Variants in PPP4R1 observed in about 807,000 individuals in gnomAD.
PPP4R1 encodes the protein protein phosphatase 4 regulatory subunit 1, also known as serine/threonine-protein phosphatase 4 regulatory subunit 1.
PPP4R1 carries 42 observed loss-of-function variants against 111.2 expected under a neutral mutation model. The observed-to-expected ratio is 0.38, with a 90% CI of 0.29 to 0.49. The LOEUF is 0.49. PPP4R1 is among the 20% of genes least tolerant of loss of function. The pLI, the probability that PPP4R1 is intolerant of heterozygous loss-of-function variation, is 0.97. For missense variants in PPP4R1, 1,012 were observed against 1,161.6 expected, an observed-to-expected ratio of 0.87 and a Z score of 1.87; for synonymous variants, 409 against 405.5, an observed-to-expected ratio of 1.01 and a Z score of -0.10.
chr18:9,561,312 C>T (rs955009686), intron 13 of PPP4R1, among the ~76,000 whole-genome samples: 1 of 151,732 alleles, frequency 6.6e-6, no homozygotes, highest in Non-Finnish European at 1.5e-5. Flanking sequence ...GAATGCAGCA[C>T]TGCTTATAGC....
chr18:9,559,420 T>A lies in PPP4R1; in HGVS notation c.2027A>T (p.Gln676Leu). The A allele has an allele frequency of 6.2e-7, 1 of 1,607,796 alleles. No homozygotes were observed. Among genetic ancestry groups the A allele is most frequent in the Non-Finnish European group, 8.5e-7 (1 of 1,176,616 alleles). The change falls in exon 14 of 20, where the codon CAG becomes CTG. Residue 676 changes from glutamine to leucine, a missense_variant and splice_region_variant. By Grantham distance (113) the Gln-to-Leu change is moderately radical. This residue lies in a region of PPP4R1 where 305 missense variants were observed against 419.5 expected (regional missense o/e 0.73). Coordinates refer to ENST00000400556, the MANE Select transcript of PPP4R1 (RefSeq NM_001042388.3). ...ETYETLASDM[Q>L]WKVRRTLAFS... ...TAATTCTTTAACTGCTTTACTCACCTGCATGTCTGAGGCCAGAGTCTCATA... is the reference window on the plus strand; with the variant it reads ...TAATTCTTTAACTGCTTTACTCACCAGCATGTCTGAGGCCAGAGTCTCATA...
chr18:9,564,242 A>C (rs1003415166), intron 11 of PPP4R1, among the ~76,000 whole-genome samples: 4 of 152,192 alleles, frequency 2.6e-5, no homozygotes, highest in Non-Finnish European at 1.5e-5. Context: ...CTGCTCCCCA[A>C]ATAAATCAGA....
At chr18:9,562,161 G>T in intron 12 of PPP4R1, 86 bp from the exon 13 acceptor site, 2 of 1,006,634 alleles carry the variant, frequency 2.0e-6, no homozygotes, top group South Asian at 2.9e-5. Context: ...TACCTTTCAA[G>T]ACTGCCAAAA....
chr18:9,606,304 T>C (rs949316037), intron 2 of PPP4R1, among the ~76,000 whole-genome samples: 3 of 152,192 alleles, frequency 2.0e-5, no homozygotes, highest in Non-Finnish European at 4.4e-5. Context: ...CCACCTTCTG[T>C]TTTCGTAAAT....
chr18:9,581,183 T>C (rs966833035), intron 9 of PPP4R1, among the ~76,000 whole-genome samples: 1 of 143,004 alleles, frequency 7.0e-6, no homozygotes, highest in Non-Finnish European at 1.5e-5. Context: ...AAAAAAAAAA[T>C]CCATACATTA....
chr18:9,563,083 T>A (rs766377515), intron 12 of PPP4R1: 145 of 1,078,622 alleles, frequency 1.3e-4, no homozygotes, highest in Non-Finnish European at 1.6e-4. Context: ...TTATTCTTGA[T>A]AAAGGGCTTT....
chr18:9,583,110 AC>A lies in PPP4R1; in HGVS notation c.918+6del. On this transcript the variant is annotated splice_donor_region_variant and intron_variant, in intron 9 of 19. Coordinates refer to ENST00000400556, the MANE Select transcript of PPP4R1 (RefSeq NM_001042388.3). ...TTATTTTACAAAAGTGATAATCAAAACCCTACCCAACGTGAAGGATCACTGA... is the reference window on the plus strand; with the variant it reads ...TTATTTTACAAAAGTGATAATCAAAACCTACCCAACGTGAAGGATCACTGA... 1 of 1,601,838 alleles carries A rather than the reference AC, an allele frequency of 6.2e-7. No individual in the cohort carries two copies. The highest frequency in any genetic ancestry group is 8.5e-7 in the Non-Finnish European group (1 of 1,171,994).
In PPP4R1 at chr18:9,614,139, C is replaced by T; in HGVS notation, c.52+87G>A. ...CTCGCCCACCGTCCCCTCAGCCAGCCAGGGCCCGGCCCAGGCCTCGCCGCC... is the reference window on the plus strand; with the variant it reads ...CTCGCCCACCGTCCCCTCAGCCAGCTAGGGCCCGGCCCAGGCCTCGCCGCC... On this transcript the variant is annotated intron_variant, in intron 2 of 19. Coordinates refer to ENST00000400556, the MANE Select transcript of PPP4R1 (RefSeq NM_001042388.3). This position sits in a 1 kb window ranked among gnomAD's most constrained non-coding sequence, Gnocchi z 4.1. The T allele has an allele frequency of 8.7e-7, 1 of 1,147,814 alleles. No homozygotes were observed. Among genetic ancestry groups the T allele is most frequent in the East Asian group, 3.8e-5 (1 of 26,280 alleles). 71.1% of individuals were successfully genotyped at this position (1,147,814 alleles called of 1,614,324 possible).
Position 9,610,695 on chromosome 18 carries a change from G to A in PPP4R1, c.52+3531C>T, listed in dbSNP as rs569207455. On this transcript the variant is annotated intron_variant, in intron 2 of 19. Transcript: ENST00000400556. Reference sequence around the variant, plus strand: ...AGGATGGTCTCGATCTCCTGACCTCGTGATCCGCCCACCTCGGCCTCCCAA... The same window carrying A: ...AGGATGGTCTCGATCTCCTGACCTCATGATCCGCCCACCTCGGCCTCCCAA... Among the ~76,000 whole-genome samples the A allele has an allele frequency of 9.2e-5, 14 of 152,090 alleles. No homozygotes were observed. The East Asian group carries it at 1.2e-3, about 13-fold the overall frequency.
intron 4 of PPP4R1, chr18:9,590,317 A>AT (rs1375381294): frequency 1.3e-5 from 2 of 152,350 alleles, no homozygotes; most frequent in Admixed American, 6.5e-5. Flanking sequence ...TGGAATTTCT[A>AT]TTATACTGTT....
intron 11 of PPP4R1, among the ~76,000 whole-genome samples, chr18:9,564,245 A>T (rs760566141): frequency 1.3e-5 from 2 of 152,216 alleles, no homozygotes; most frequent in Non-Finnish European, 2.9e-5. Flanking sequence ...CTCCCCAAAT[A>T]AATCAGAAAT....
intron 2 of PPP4R1, among the ~76,000 whole-genome samples, chr18:9,598,395 G>A (rs974400883): frequency 6.6e-6 from 1 of 152,122 alleles, no homozygotes; most frequent in Non-Finnish European, 1.5e-5. Context: ...ATTGCTTAAA[G>A]CTAGTGATAA....
At chr18:9,561,757 C>T (rs538059316) in intron 13 of PPP4R1, among the ~76,000 whole-genome samples, 54 of 152,160 alleles carry the variant, frequency 3.5e-4, no homozygotes, top group African/African-American at 1.2e-3. Context: ...GGTGTGTGAT[C>T]GTGGTCACTC....
rs34208690 is a variant in PPP4R1 at position 9,605,566 on chromosome 18, CAAAAAAAAAAA to C, written c.52+8649_52+8659del. Reference sequence around the variant, plus strand: ...ACTATCACTTATGTAGCAGTCCTGTCAAAAAAAAAAAAAAAAAAAAAAAAAAAAAGGAAAGA... The same window carrying C: ...ACTATCACTTATGTAGCAGTCCTGTCAAAAAAAAAAAAAAAAAAGGAAAGA... On this transcript the variant is annotated intron_variant, in intron 2 of 19. Transcript: ENST00000400556. 8.4e-3 allele frequency among the ~76,000 whole-genome samples: 569 copies of C among 67,674 alleles called. 4 individuals are homozygous for C. The highest frequency in any genetic ancestry group is 0.028 in the East Asian group (87 of 3,088). The allele number at this position is 67,674 out of a possible 152,430, so 44.4% of individuals were successfully genotyped here. A position where few individuals can be genotyped will look rare whatever the true frequency, so the allele number is the denominator to read the frequency against.
intron 7 of PPP4R1, 38 bp from the exon 8 acceptor site, chr18:9,584,618 C>T (rs1217883509): frequency 6.2e-7 from 1 of 1,606,656 alleles, no homozygotes; most frequent in Non-Finnish European, 8.5e-7. Flanking sequence ...CAAAATATTA[C>T]ACATAAGGTT....
At chr18:9,548,090 C>T in intron 19 of PPP4R1, 138 bp from the exon 20 acceptor site, 1 of 830,072 alleles carries the variant, frequency 1.2e-6, no homozygotes, top group Non-Finnish European at 1.8e-6. Flanking sequence ...AAACAGTAAT[C>T]CAAACTGATT....
intron 4 of PPP4R1, among the ~76,000 whole-genome samples, chr18:9,591,354 A>C (rs1182491052): frequency 6.6e-6 from 1 of 151,990 alleles, no homozygotes; most frequent in Non-Finnish European, 1.5e-5. Context: ...CTCCAAAAAA[A>C]AAAAAGATAC....
chr18:9,564,347 AAACAATCAGT>A (rs1202099538), intron 11 of PPP4R1, among the ~76,000 whole-genome samples: 3 of 152,244 alleles, frequency 2.0e-5, no homozygotes, highest in Non-Finnish European at 4.4e-5. Context: ...ATTTTAAACA[AAACAATCAGT>A]AACTATTTTA....
chr18:9,569,184 C>T (rs138355966), intron 11 of PPP4R1, among the ~76,000 whole-genome samples: 4,984 of 144,092 alleles, frequency 0.035, 95 homozygotes, highest in African/African-American at 0.041. Context: ...AGCGAGACTC[C>T]GTCTCAGAAA....
Sources: gnomAD v4.1 joint callset for allele counts (sites outside exome capture counted in the v4.1 genomes callset) on GRCh38, gnomAD v4.1.1 for gene constraint, gnomAD v4.1.1 regional missense constraint, Gnocchi (gnomAD v3.1) non-coding constraint, MANE v1.5 for transcripts, NCBI Gene and HGNC (gene_info 2026-07-23, HGNC 2026-07-21) for gene names.